Variants in AGFG2 observed in about 807,000 individuals in gnomAD.
AGFG2 encodes arf-GAP domain and FG repeat-containing protein 2.
A neutral mutation model predicts 48.0 loss-of-function variants in AGFG2; 31 were observed. That is an observed-to-expected ratio of 0.65 (90% confidence interval 0.49 to 0.87). The LOEUF (loss-of-function observed/expected upper bound fraction) is 0.87, where lower values mean the gene tolerates loss of function less well. Among genes scored for constraint, AGFG2 ranks in the 40% least tolerant of loss-of-function variants. The pLI is 0.00. For missense variants in AGFG2, 599 were observed against 632.6 expected (o/e 0.95, Z 0.57); for synonymous variants, 229 against 260.8 (o/e 0.88, Z 1.18).
At chr7:100,552,486 T>G (rs539579827) in intron 3 of AGFG2, among the ~76,000 whole-genome samples, 1 of 152,360 alleles carries the variant, frequency 6.6e-6, no homozygotes, top group South Asian at 2.1e-4. Flanking sequence ...GACAACTATA[T>G]TTTGTCTTCC....
chr7:100,550,483 C>T lies in AGFG2; in HGVS notation c.403C>T (p.Leu135Phe), dbSNP rs375257050. The T allele has an allele frequency of 9.9e-6, 16 of 1,613,608 alleles. No homozygotes were observed. Among genetic ancestry groups the T allele is most frequent in the African/African-American group, 1.3e-5 (1 of 74,868 alleles). Reference protein sequence around the residue: ...SRDPQKVKEFLQEKYEKKRWY... With the variant: ...SRDPQKVKEFFQEKYEKKRWY... Reference sequence around the variant, plus strand: ...GGATCCTCAGAAAGTGAAGGAGTTTCTCCAGGAAAAATATGAGAAGAAGAG... The same window carrying T: ...GGATCCTCAGAAAGTGAAGGAGTTTTTCCAGGAAAAATATGAGAAGAAGAG... The change falls in exon 3 of 12, where the codon CTC becomes TTC. Residue 135 changes from leucine to phenylalanine, a missense_variant. Physicochemically the swap from Leu to Phe is conservative, Grantham distance 22. Transcript: ENST00000300176.
At chr7:100,550,104 C>A (rs1395928142) in intron 2 of AGFG2, among the ~76,000 whole-genome samples, 2 of 152,056 alleles carry the variant, frequency 1.3e-5, no homozygotes, top group African/African-American at 4.8e-5. Context: ...GTCAAGAGAT[C>A]GAGGCCATCC....
At chr7:100,544,878 C>G (rs1800484945) in intron 1 of AGFG2, among the ~76,000 whole-genome samples, 1 of 152,064 alleles carries the variant, frequency 6.6e-6, no homozygotes, top group East Asian at 1.9e-4. Flanking sequence ...TTTATCATTG[C>G]TGCTGAGGAG....
At position 100,562,966 on chromosome 7, in the gene AGFG2, C is replaced by A; in HGVS notation, c.1171+20C>A. The A allele has an allele frequency of 6.2e-7, 1 of 1,605,282 alleles. No homozygotes were observed. Among genetic ancestry groups the A allele is most frequent in the South Asian group, 1.1e-5 (1 of 90,604 alleles). On this transcript the variant is annotated intron_variant, in intron 9 of 11. Coordinates refer to ENST00000300176, the MANE Select transcript of AGFG2 (RefSeq NM_006076.5). The surrounding 1 kb of genome is among the most constrained non-coding windows in gnomAD (Gnocchi z 5.4). ...CGCCAGGTAAGCCTCCAGCATGGTC[C>A]CTTGTCCTGACCATCTGAGACTTCC...
chr7:100,559,005 GT>G (rs528755905), intron 6 of AGFG2, among the ~76,000 whole-genome samples: 126 of 152,166 alleles, frequency 8.3e-4, no homozygotes, highest in African/African-American at 2.9e-3. Flanking sequence ...ATGGTGGTGC[GT>G]GACTGTAGTC....
In AGFG2 at chr7:100,562,636, C is replaced by T. The variant is rs1584392037; in HGVS notation, c.1041C>T (p.Val347=). 6.2e-7 allele frequency: 1 copy of T among 1,612,168 alleles called. No homozygotes were observed. Among genetic ancestry groups the T allele is most frequent in the Non-Finnish European group, 8.5e-7 (1 of 1,179,940 alleles). The change falls in exon 8 of 12, where the codon GTC becomes GTT. Residue 347 remains valine, a synonymous_variant. Coordinates refer to ENST00000300176, the MANE Select transcript of AGFG2 (RefSeq NM_006076.5). The surrounding 1 kb of genome is among the most constrained non-coding windows in gnomAD (Gnocchi z 5.4). ...GCCAGGTCCCCCCGCTCCAGTCTGT[C>T]ACGATGGGCGGCGGCGGCGGCAGCA... ...MAGQVPPLQS[V]TMGGGGGSST...
chr7:100,556,406 T>A (rs1800759548), intron 6 of AGFG2: 1 of 282,064 alleles, frequency 3.5e-6, no homozygotes, highest in African/African-American at 2.2e-5. Context: ...ATTCTGCTCC[T>A]TCCTAAGCTC....
In AGFG2 at chr7:100,562,925, C is replaced by T. The variant is rs1181721286; in HGVS notation, c.1150C>T (p.Gln384Ter). The stretch of plus-strand genomic sequence containing the variant: ...CCCGCTGCCTTCCACCAACCCGTTC[C>T]AGCCCAATGGCTTGGCGCCAGGTAA... ...QSPLPSTNPF[Q>*]PNGLAPGPGF... The change falls in exon 9 of 12, where the codon CAG becomes TAG. Residue 384 changes from glutamine (Q) to a stop codon, truncating the protein, a stop_gained. Transcript: ENST00000300176. LOFTEE classifies it high-confidence loss of function. The surrounding 1 kb of genome is among the most constrained non-coding windows in gnomAD (Gnocchi z 5.4). 6.2e-7 allele frequency: 1 copy of T among 1,614,086 alleles called. No homozygotes were observed. Among genetic ancestry groups the T allele is most frequent in the Non-Finnish European group, 8.5e-7 (1 of 1,179,970 alleles).
intron 1 of AGFG2, among the ~76,000 whole-genome samples, chr7:100,541,306 G>A (rs1430357610): frequency 2.0e-5 from 3 of 152,200 alleles, no homozygotes; most frequent in Non-Finnish European, 4.4e-5. Context: ...TCACTTGTGG[G>A]TTGTAAGGAT....
At position 100,548,828 on chromosome 7, in the gene AGFG2, G is replaced by A. The variant is rs374356319; in HGVS notation, c.228G>A (p.Gly76=). 9.3e-6 allele frequency: 15 copies of A among 1,612,730 alleles called. No homozygotes were observed. Among genetic ancestry groups the A allele is most frequent in the Non-Finnish European group, 1.3e-5 (15 of 1,179,140 alleles). Reference sequence around the variant, plus strand: ...TCCTGTTTCTCTCCCATAGGAGAGGGCTGAACCCCCCTCATCGTGTCAAGT... The same window carrying A: ...TCCTGTTTCTCTCCCATAGGAGAGGACTGAACCCCCCTCATCGTGTCAAGT... The part of the protein sequence containing the change: ...VCTTCSGLLR[G]LNPPHRVKSI... The change falls in exon 2 of 12, where the codon GGG becomes GGA. Residue 76 remains glycine, a synonymous_variant. Coordinates refer to ENST00000300176, the MANE Select transcript of AGFG2 (RefSeq NM_006076.5).
At chr7:100,564,871 T>C in intron 11 of AGFG2, 61 bp from the exon 12 acceptor site, 2 of 1,584,728 alleles carry the variant, frequency 1.3e-6, no homozygotes, top group South Asian at 1.1e-5. Flanking sequence ...CCTGGCTGCC[T>C]TTCTTCTAAG....
At chr7:100,563,007 C>T in intron 9 of AGFG2, 61 bp downstream of exon 9, 1 of 1,461,976 alleles carries the variant, frequency 6.8e-7, no homozygotes, top group Non-Finnish European at 9.5e-7. Flanking sequence ...ACACATTACC[C>T]TGCAGCCTCT....
chr7:100,542,831 T>C (rs1425043697), intron 1 of AGFG2, among the ~76,000 whole-genome samples: 3 of 152,196 alleles, frequency 2.0e-5, no homozygotes, highest in Non-Finnish European at 4.4e-5. Context: ...TGCATGTTTA[T>C]TCATTCGGTC....
At chr7:100,546,345 T>C (rs908323734) in intron 1 of AGFG2, among the ~76,000 whole-genome samples, 1 of 152,164 alleles carries the variant, frequency 6.6e-6, no homozygotes, top group African/African-American at 2.4e-5. Context: ...TCAGGAAATG[T>C]CAATGACCTT....
chr7:100,555,263 G>GTTTTTTTTTTTTT (rs1166680394), intron 5 of AGFG2, among the ~76,000 whole-genome samples: 1 of 75,150 alleles, frequency 1.3e-5, no homozygotes, highest in Non-Finnish European at 2.5e-5. Context: ...TGTGTGTGTG[G>GTTTTTTTTTTTTT]TTTTTTTTTT....
In AGFG2 at chr7:100,564,216, A is replaced by G. The variant is rs771666031; in HGVS notation, c.1301-2A>G. ...AGCTGAGTGACTGCTCTCGCCCCCT[A>G]GGCTCTTCCTTCGGGGACTTAGGAT... On this transcript the variant is annotated splice_acceptor_variant, in intron 10 of 11. Coordinates refer to ENST00000300176, the MANE Select transcript of AGFG2 (RefSeq NM_006076.5). LOFTEE classifies it high-confidence loss of function. 1.2e-6 allele frequency: 2 copies of G among 1,610,076 alleles called. No individual in the cohort carries two copies. The highest frequency in any genetic ancestry group is 1.7e-4 in the Middle Eastern group (1 of 6,054).
intron 3 of AGFG2, among the ~76,000 whole-genome samples, chr7:100,552,574 G>A (rs1800669154): frequency 6.6e-6 from 1 of 152,198 alleles, no homozygotes; most frequent in African/African-American, 2.4e-5. Flanking sequence ...TCTCTGGGGT[G>A]TGTACATGTT....
At position 100,565,541 on chromosome 7, in the gene AGFG2, T is replaced by C. The variant is rs986709236; in HGVS notation, c.*550T>C. The C allele has an allele frequency of 6.5e-6, 1 of 154,036 alleles. No homozygotes were observed. The highest frequency in any genetic ancestry group is 2.4e-5 in the African/African-American group (1 of 41,458). The allele number at this position is 154,036 out of a possible 1,614,324, so 9.5% of individuals were successfully genotyped here. On this transcript the variant is annotated 3_prime_UTR_variant, in exon 12 of 12. Transcript: ENST00000300176. Reference sequence around the variant, plus strand: ...TCCCCAGCGCCCAGGATGAGCGGTTTACCATCGAGCTTACCCGGGCCCGGC... The same window carrying C: ...TCCCCAGCGCCCAGGATGAGCGGTTCACCATCGAGCTTACCCGGGCCCGGC...
chr7:100,557,810 A>G lies in AGFG2; in HGVS notation c.877+2075A>G, dbSNP rs536154226. On this transcript the variant is annotated intron_variant, in intron 6 of 11. Transcript: ENST00000300176. Reference sequence around the variant, plus strand: ...ATGAAACAGATGGAGAGAAGATACAACATGGAAAACAGATGGAAATTAGTA... The same window carrying G: ...ATGAAACAGATGGAGAGAAGATACAGCATGGAAAACAGATGGAAATTAGTA... 1.4e-4 allele frequency among the ~76,000 whole-genome samples: 21 copies of G among 152,356 alleles called. No individual in the cohort carries two copies. The South Asian group carries it at 3.9e-3, about 29-fold the overall frequency.
Sources: allele counts gnomAD v4.1 joint callset (sites outside exome capture counted in the v4.1 genomes callset), GRCh38; gene constraint gnomAD v4.1.1; non-coding constraint Gnocchi (gnomAD v3.1); transcripts MANE v1.5; gene names NCBI Gene and HGNC (gene_info 2026-07-23, HGNC 2026-07-21).